Variants in NCAPD3 observed in about 807,000 individuals in gnomAD.
NCAPD3 encodes the protein condensin-2 complex subunit D3.
In NCAPD3, 105 loss-of-function variants were observed where a neutral mutation model predicts 182.9. The observed-to-expected ratio is 0.57, with a 90% CI of 0.49 to 0.68. The LOEUF is 0.68. Among genes scored for constraint, NCAPD3 ranks in the 30% least tolerant of loss-of-function variants. The pLI is 0.00. For synonymous variants in NCAPD3, 815 were observed against 679.9 expected (o/e 1.20, Z -3.09); for missense variants, 1,944 against 1,837.0 (o/e 1.06, Z -1.07).
chr11:134,156,611 G>C (rs1943425402), intron 32 of NCAPD3, among the ~76,000 whole-genome samples: 1 of 152,186 alleles, frequency 6.6e-6, no homozygotes, highest in South Asian at 2.1e-4. Flanking sequence ...GGCAGTTGCA[G>C]AGCGTGCATG....
chr11:134,164,884 T>C (rs1009442818), intron 27 of NCAPD3, among the ~76,000 whole-genome samples: 17 of 148,864 alleles, frequency 1.1e-4, no homozygotes, highest in African/African-American at 2.7e-4. Flanking sequence ...TACTCACTTG[T>C]GACATGAGCT....
chr11:134,165,170 G>A (rs1943734565), intron 27 of NCAPD3, among the ~76,000 whole-genome samples: 1 of 150,374 alleles, frequency 6.7e-6, no homozygotes, highest in African/African-American at 2.5e-5. Flanking sequence ...GAGCTGAGGA[G>A]GAGCTGCACA....
intron 32 of NCAPD3, among the ~76,000 whole-genome samples, chr11:134,154,955 A>G (rs1943378758): frequency 6.6e-6 from 1 of 152,154 alleles, no homozygotes; most frequent in Admixed American, 6.5e-5. Context: ...CTGTCACATG[A>G]AATTCCCTTC....
intron 3 of NCAPD3, among the ~76,000 whole-genome samples, chr11:134,215,845 C>T (rs758977034): frequency 2.6e-5 from 4 of 152,104 alleles, no homozygotes; most frequent in African/African-American, 7.2e-5. Flanking sequence ...ACAACCAAAA[C>T]GATCCTGAAA....
At chr11:134,186,139 G>C (rs140521239) in intron 16 of NCAPD3, 1 of 152,082 alleles carries the variant, frequency 6.6e-6, no homozygotes, top group Non-Finnish European at 1.5e-5. Flanking sequence ...CTCAGAAATA[G>C]ATATTTCAAA....
intron 22 of NCAPD3, 26 bp from the exon 23 acceptor site, chr11:134,177,483 T>C (rs768359573): frequency 4.6e-5 from 73 of 1,578,652 alleles, no homozygotes; most frequent in Non-Finnish European, 6.2e-5. Flanking sequence ...GGAAGATGTC[T>C]CAACTGTATT....
chr11:134,202,879 T>C lies in NCAPD3; in HGVS notation c.1552A>G (p.Asn518Asp), dbSNP rs1385637157. 6.2e-7 allele frequency: 1 copy of C among 1,606,704 alleles called. No individual in the cohort carries two copies. The highest frequency in any genetic ancestry group is 8.5e-7 in the Non-Finnish European group (1 of 1,178,248). ...SAFSYQRQTS[N>D]RSEPSGEINI... ...ATCTCCCCTGAGGGTTCGGAACGGT[T>C]AGATGTCTGCCTTTGGTAGGAAAAA... The change falls in exon 13 of 35, where the codon AAC becomes GAC. Residue 518 changes from asparagine (N) to aspartate (D), a missense_variant. Physicochemically the swap from Asn to Asp is conservative, Grantham distance 23 (BLOSUM62 1). Coordinates refer to ENST00000534548, the MANE Select transcript of NCAPD3 (RefSeq NM_015261.3).
At chr11:134,177,494 C>T in intron 22 of NCAPD3, 37 bp from the exon 23 acceptor site, 1 of 1,565,018 alleles carries the variant, frequency 6.4e-7, no homozygotes, top group Non-Finnish European at 8.8e-7. Flanking sequence ...CAACTGTATT[C>T]TAAATCCTAA....
rs80262732 is a variant in NCAPD3 at position 134,203,253 on chromosome 11, T to A, written c.1469-55A>T. ...GAAGTCAGTATCATAAACTGAGTAA[T>A]TATCCACGGAGGAATCAAAATCAAG... On this transcript the variant is annotated intron_variant, in intron 11 of 34. Coordinates refer to ENST00000534548, the MANE Select transcript of NCAPD3 (RefSeq NM_015261.3). 8.5e-4 allele frequency: 1,076 copies of A among 1,260,520 alleles called. 5 individuals are homozygous for A. In the African/African-American group the frequency reaches 0.015, roughly 17 times the overall value. 78.1% of individuals were successfully genotyped at this position (1,260,520 alleles called of 1,614,324 possible).
chr11:134,180,901 A>T (rs1201912098), intron 20 of NCAPD3, among the ~76,000 whole-genome samples, 176 bp downstream of exon 20: 7 of 152,230 alleles, frequency 4.6e-5, no homozygotes, highest in Admixed American at 4.6e-4. Context: ...AGTATATAAG[A>T]AAAAAATGAA....
intron 3 of NCAPD3, among the ~76,000 whole-genome samples, chr11:134,211,529 C>T (rs1053121036): frequency 6.6e-5 from 10 of 151,976 alleles, no homozygotes; most frequent in African/African-American, 1.7e-4. Flanking sequence ...GTCCAGCATC[C>T]AGTAAAAAAA....
intron 27 of NCAPD3, among the ~76,000 whole-genome samples, chr11:134,164,087 G>A (rs1167901558): frequency 1.3e-5 from 2 of 152,118 alleles, no homozygotes; most frequent in African/African-American, 2.4e-5. Context: ...TATATCCTTG[G>A]AGTCAAAAGC....
intron 27 of NCAPD3, among the ~76,000 whole-genome samples, chr11:134,163,167 GA>G (rs1943637650): frequency 6.6e-6 from 1 of 152,210 alleles, no homozygotes; most frequent in African/African-American, 2.4e-5. Flanking sequence ...GGTTTATTCA[GA>G]AGATGACAGG....
At chr11:134,208,802 A>G in intron 7 of NCAPD3, 62 bp downstream of exon 7, 1 of 1,092,034 alleles carries the variant, frequency 9.2e-7, no homozygotes, top group Non-Finnish European at 1.4e-6. Context: ...ACATATTTCC[A>G]TCATATGGTT....
intron 2 of NCAPD3, among the ~76,000 whole-genome samples, chr11:134,220,072 G>A (rs1454072473): frequency 6.6e-6 from 1 of 152,106 alleles, no homozygotes; most frequent in Admixed American, 6.5e-5. Context: ...GGGATTACAG[G>A]CATGAGCCAC....
upstream of NCAPD3, chr11:134,224,170 GAGA>G: frequency 2.5e-5 from 15 of 593,738 alleles, no homozygotes; most frequent in Admixed American, 9.0e-5. Flanking sequence ...TAATTCGTTC[GAGA>G]AGGAGCCAGG....
Position 134,185,487 on chromosome 11 carries a change from T to C in NCAPD3, c.2085A>G (p.Lys695=), listed in dbSNP as rs766526426. The C allele has an allele frequency of 1.2e-6, 2 of 1,612,140 alleles. No individual in the cohort carries two copies. The highest frequency in any genetic ancestry group is 1.3e-5 in the African/African-American group (1 of 74,938). The change falls in exon 17 of 35, where the codon AAA becomes AAG. Residue 695 remains lysine, a synonymous_variant. Coordinates refer to ENST00000534548, the MANE Select transcript of NCAPD3 (RefSeq NM_015261.3). The part of the protein sequence containing the change: ...LNKAFHIWSK[K]EKFSPTFINN... ...TTATAAAAGTGGGTGAGAATTTTTC[T>C]TTCTTGGACCAGATATGAAAAGCCT... is the stretch of plus-strand genomic sequence containing the variant.
intron 13 of NCAPD3, among the ~76,000 whole-genome samples, chr11:134,196,501 C>T (rs976768371): frequency 2.0e-5 from 3 of 151,724 alleles, no homozygotes; most frequent in African/African-American, 7.3e-5. Context: ...AAAAAATTTG[C>T]CGGGTGTGGG....
In NCAPD3 at chr11:134,154,324, T is replaced by TA. The variant is rs1316317463; in HGVS notation, c.4253-962dup. Among the ~76,000 whole-genome samples the TA allele has an allele frequency of 2.6e-5, 4 of 152,262 alleles. No homozygotes were observed. In the East Asian group the frequency reaches 7.7e-4, roughly 29 times the overall value. On this transcript the variant is annotated intron_variant, in intron 32 of 34. Transcript: ENST00000534548. ...CAAGACACCTCAATCGCTGTGTTCC[T>TA]AGGAGAGCCTGAAGTCCACCCTCAG... is the stretch of plus-strand genomic sequence containing the variant.
Sources: gnomAD v4.1 joint callset for allele counts (sites outside exome capture counted in the v4.1 genomes callset) on GRCh38, gnomAD v4.1.1 for gene constraint, MANE v1.5 for transcripts, NCBI Gene and HGNC (gene_info 2026-07-23, HGNC 2026-07-21) for gene names.